ARL15: variants seen among roughly 807,000 people sequenced by gnomAD.
The protein encoded by ARL15 is ARF like GTPase 15, also known as ADP-ribosylation factor-like protein 15.
In ARL15, 19 loss-of-function variants were observed where a neutral mutation model predicts 25.2. That is an observed-to-expected ratio of 0.75 (90% confidence interval 0.53 to 1.10). ARL15 has a LOEUF of 1.10. Among genes scored for constraint, ARL15 ranks in the 50% least tolerant of loss-of-function variants. The pLI, the probability that ARL15 is intolerant of heterozygous loss-of-function variation, is 0.00. For synonymous variants in ARL15, 94 were observed against 86.8 expected, an observed-to-expected ratio of 1.08 and a Z score of -0.46; for missense variants, 220 against 246.0, an observed-to-expected ratio of 0.89 and a Z score of 0.71.
chr5:54,031,785 T>A (rs1749993701), intron 4 of ARL15, among the ~76,000 whole-genome samples: 1 of 152,080 alleles, frequency 6.6e-6, no homozygotes, highest in African/African-American at 2.4e-5. Context: ...CTAAATGCAG[T>A]TTCCCCATGA....
At chr5:53,918,675 T>C (rs1745737886) in intron 4 of ARL15, among the ~76,000 whole-genome samples, 1 of 152,144 alleles carries the variant, frequency 6.6e-6, no homozygotes, top group Non-Finnish European at 1.5e-5. Flanking sequence ...AAATAGAGAC[T>C]GCACACTAAT....
intron 4 of ARL15, among the ~76,000 whole-genome samples, chr5:53,971,301 T>C (rs1747742205): frequency 6.6e-6 from 1 of 152,188 alleles, no homozygotes; most frequent in African/African-American, 2.4e-5. Context: ...ATGTTGATTC[T>C]CCTTGGGAAA....
intron 4 of ARL15, among the ~76,000 whole-genome samples, chr5:53,971,342 G>T (rs1038946480): frequency 3.9e-5 from 6 of 152,238 alleles, no homozygotes; most frequent in Admixed American, 2.0e-4. Flanking sequence ...TGTTTTCATG[G>T]AGCTGTGGAT....
At chr5:53,944,135 C>T (rs987216265) in intron 4 of ARL15, among the ~76,000 whole-genome samples, 25 of 152,186 alleles carry the variant, frequency 1.6e-4, no homozygotes, top group African/African-American at 6.0e-4. Flanking sequence ...CCATGTCTGG[C>T]ACAGAGCCAA....
chr5:54,281,203 G>A (rs571808102), intron 1 of ARL15, among the ~76,000 whole-genome samples: 11 of 151,842 alleles, frequency 7.2e-5, no homozygotes, highest in East Asian at 5.8e-4. Context: ...GCAGTGGTAC[G>A]ATCTCGGCTC....
chr5:54,220,649 T>G (rs983125944), intron 1 of ARL15, among the ~76,000 whole-genome samples: 13 of 152,324 alleles, frequency 8.5e-5, no homozygotes, highest in Middle Eastern at 3.4e-3. Flanking sequence ...CTAAGAGACC[T>G]TCGGACGCCG....
intron 1 of ARL15, among the ~76,000 whole-genome samples, chr5:54,289,362 G>T (rs200622315): frequency 8.1e-6 from 1 of 123,558 alleles, no homozygotes; most frequent in South Asian, 2.5e-4. Context: ...GTCCTATGAA[G>T]AAAAAAAAAA....
chr5:54,238,744 G>T (rs563533794), intron 1 of ARL15, among the ~76,000 whole-genome samples: 2 of 152,308 alleles, frequency 1.3e-5, no homozygotes, highest in East Asian at 3.9e-4. Context: ...TCAGGTTGTT[G>T]TAATAAAGAA....
chr5:54,101,841 C>T (rs1362448080), intron 4 of ARL15, among the ~76,000 whole-genome samples: 1 of 151,952 alleles, frequency 6.6e-6, no homozygotes, highest in African/African-American at 2.4e-5. Context: ...CCAACTTATA[C>T]TTAAAGAAAA....
chr5:54,140,979 C>A (rs945196117), intron 3 of ARL15, among the ~76,000 whole-genome samples: 6 of 152,120 alleles, frequency 3.9e-5, no homozygotes, highest in Non-Finnish European at 8.8e-5. Flanking sequence ...TCTATAAGAT[C>A]TGCACTTTGC....
At chr5:54,053,987 G>C (rs1750779239) in intron 4 of ARL15, among the ~76,000 whole-genome samples, 1 of 152,104 alleles carries the variant, frequency 6.6e-6, no homozygotes, top group South Asian at 2.1e-4. Context: ...ATGGGTATGG[G>C]ATACACAAAA....
chr5:53,969,781 ACTTT>A (rs1026860578), intron 4 of ARL15, among the ~76,000 whole-genome samples: 8 of 152,154 alleles, frequency 5.3e-5, no homozygotes, highest in African/African-American at 1.2e-4. Flanking sequence ...GGTTACAAAA[ACTTT>A]CTTTGTTTCA....
In ARL15 at chr5:54,310,533, T is replaced by A; in HGVS notation, c.-54A>T. 1 of 1,551,568 alleles carries A rather than the reference T, an allele frequency of 6.4e-7. No individual in the cohort carries two copies. Among genetic ancestry groups the A allele is most frequent in the Non-Finnish European group, 8.7e-7 (1 of 1,147,356 alleles). On this transcript the variant is annotated 5_prime_UTR_variant, in exon 1 of 5. Coordinates refer to ENST00000504924, the MANE Select transcript of ARL15 (RefSeq NM_019087.3). ...CCGAACCCGGAAAAAAAAAGCAGCG[T>A]CTCTGGCTGCGAGCGAGCAGCTCCT... is the stretch of plus-strand genomic sequence containing the variant.
Position 53,886,588 on chromosome 5 carries a change from T to C in ARL15, c.588A>G (p.Glu196=). ...SFSQLINLLE[E]KDHEAVRM is the part of the protein sequence containing the mutation. The stretch of plus-strand genomic sequence containing the variant: ...ACATTCTTACAGCTTCATGGTCTTT[T>C]TCTTCTAACAAATTAATCAGCTGAG... The change falls in exon 5 of 5, where the codon GAA becomes GAG. Residue 196 remains glutamate (E), a synonymous_variant. Coordinates refer to ENST00000504924, the MANE Select transcript of ARL15 (RefSeq NM_019087.3). 6.4e-7 allele frequency: 1 copy of C among 1,562,284 alleles called. No individual in the cohort carries two copies. Among genetic ancestry groups the C allele is most frequent in the Non-Finnish European group, 8.7e-7 (1 of 1,151,594 alleles).
intron 1 of ARL15, among the ~76,000 whole-genome samples, chr5:54,237,952 T>A (rs1051750329): frequency 6.6e-6 from 1 of 152,274 alleles, no homozygotes; most frequent in Middle Eastern, 3.4e-3. Flanking sequence ...ATAATTCCAC[T>A]GGGATTTGAA....
intron 4 of ARL15, among the ~76,000 whole-genome samples, chr5:53,945,700 G>A (rs906843364): frequency 2.0e-5 from 3 of 152,128 alleles, no homozygotes; most frequent in African/African-American, 4.8e-5. Flanking sequence ...TAAAATTCCC[G>A]ACTGCAGAAA....
chr5:53,899,635 A>C (rs1029703390), intron 4 of ARL15, among the ~76,000 whole-genome samples: 1 of 151,950 alleles, frequency 6.6e-6, no homozygotes, highest in Non-Finnish European at 1.5e-5. Flanking sequence ...ATTATGTTTC[A>C]ATTTCTAGCT....
intron 4 of ARL15, chr5:53,887,257 CGT>C (rs1744558298): frequency 1.6e-6 from 1 of 620,264 alleles, no homozygotes; most frequent in Non-Finnish European, 2.9e-6. Context: ...GACATGAGAG[CGT>C]GTTTTCTAGG....
intron 4 of ARL15, among the ~76,000 whole-genome samples, chr5:54,017,296 C>A (rs933553182): frequency 2.0e-5 from 3 of 152,146 alleles, no homozygotes; most frequent in African/African-American, 4.8e-5. Context: ...TTATTACCTT[C>A]AAATGAACTG....
Sources: allele counts gnomAD v4.1 joint callset (sites outside exome capture counted in the v4.1 genomes callset), GRCh38; gene constraint gnomAD v4.1.1; transcripts MANE v1.5; gene names NCBI Gene and HGNC (gene_info 2026-07-23, HGNC 2026-07-21).